The following TJP1 variants were observed in gnomAD, a reference collection of about 807,000 sequenced individuals.
The protein encoded by TJP1 is tight junction protein 1.
TJP1 carries 43 observed loss-of-function variants against 194.2 expected under a neutral mutation model. That is an observed-to-expected ratio of 0.22 (90% confidence interval 0.17 to 0.29). TJP1 has a LOEUF of 0.29. Ranked by LOEUF, TJP1 falls within the 10% of genes least tolerant of loss-of-function variation. The probability of loss-of-function intolerance (pLI) is 1.00; values close to 1 mark genes in which losing one functional copy is unlikely to be tolerated. For synonymous variants in TJP1, 801 were observed against 779.0 expected (o/e 1.03, Z -0.47); for missense variants, 1,971 against 2,185.7 (o/e 0.90, Z 1.96).
chr15:29,798,173 G>A (rs1035728499), intron 2 of TJP1, among the ~76,000 whole-genome samples: 7 of 151,830 alleles, frequency 4.6e-5, no homozygotes, highest in African/African-American at 7.3e-5. Context: ...GTTTCACCAC[G>A]TTGGCCAGGC....
chr15:29,703,913 G>A (rs528772290), intron 27 of TJP1, among the ~76,000 whole-genome samples: 13 of 152,284 alleles, frequency 8.5e-5, no homozygotes, highest in African/African-American at 2.6e-4. Flanking sequence ...AAAGTGCTGC[G>A]ATTACAGGCA....
chr15:29,802,289 T>C (rs944473481), intron 1 of TJP1, among the ~76,000 whole-genome samples: 4 of 152,306 alleles, frequency 2.6e-5, no homozygotes, highest in Middle Eastern at 3.4e-3. Flanking sequence ...CATGAGAATA[T>C]GCCTACCAAG....
At chr15:29,773,048 G>C (rs1350431738) in intron 3 of TJP1, among the ~76,000 whole-genome samples, 185 bp downstream of exon 3, 5 of 152,172 alleles carry the variant, frequency 3.3e-5, no homozygotes, top group Non-Finnish European at 5.9e-5. Flanking sequence ...GATTACAGGA[G>C]TGAGCCACCA....
intron 2 of TJP1, among the ~76,000 whole-genome samples, chr15:29,833,881 A>ATATATTTTTTTTTTTTTTTTT (rs1555434000): frequency 1.6e-4 from 2 of 12,616 alleles, no homozygotes; most frequent in Non-Finnish European, 2.7e-4. Context: ...ATATATATAT[A>ATATATTTTTTTTTTTTTTTTT]TTTTTTTTTT....
At chr15:29,942,771 C>T (rs940594673) in intron 2 of TJP1, among the ~76,000 whole-genome samples, 1 of 152,206 alleles carries the variant, frequency 6.6e-6, no homozygotes, top group African/African-American at 2.4e-5. Context: ...AGGTTAGCAA[C>T]ACAGGCTGTA....
At chr15:29,886,762 T>C (rs2053128531) in intron 2 of TJP1, among the ~76,000 whole-genome samples, 1 of 150,664 alleles carries the variant, frequency 6.6e-6, no homozygotes. Context: ...TTAGAGAAAA[T>C]TGGAAAATTT....
rs1015737984 is a variant in TJP1 at position 29,839,040 on chromosome 15, C to T, written c.307-38338G>A. Among the ~76,000 whole-genome samples the T allele has an allele frequency of 3.5e-5, 5 of 141,412 alleles. No individual in the cohort carries two copies. The East Asian group carries it at 1.1e-3, about 30-fold the overall frequency. 92.8% of individuals were successfully genotyped at this position (141,412 alleles called of 152,430 possible). ...TTGAGACGGAGTCTGGCTCTGTCAC[C>T]CAGGCTGGAGTGCAGTGGTGCCATC... On this transcript the variant is annotated intron_variant, in intron 2 of 28. Coordinates refer to the TJP1 transcript ENST00000356107.
intron 1 of TJP1, among the ~76,000 whole-genome samples, chr15:29,956,945 C>A (rs2055968369): frequency 6.6e-6 from 1 of 151,988 alleles, no homozygotes; most frequent in African/African-American, 2.4e-5. Flanking sequence ...ATTGAAGAAG[C>A]CATTAATATT....
At chr15:29,708,345 T>A (rs572582075) in intron 25 of TJP1, among the ~76,000 whole-genome samples, 68 of 152,288 alleles carry the variant, frequency 4.5e-4, no homozygotes, top group Non-Finnish European at 7.5e-4. Flanking sequence ...TGACAATACC[T>A]ACCAACCATA....
At chr15:29,850,977 A>C (rs1044610651) in intron 2 of TJP1, among the ~76,000 whole-genome samples, 19 of 152,170 alleles carry the variant, frequency 1.2e-4, no homozygotes, top group African/African-American at 4.3e-4. Flanking sequence ...GTCTCTACTA[A>C]AAATACAAAA....
intron 20 of TJP1, 133 bp from the exon 21 acceptor site, chr15:29,719,271 G>A: frequency 8.9e-7 from 1 of 1,124,128 alleles, no homozygotes; most frequent in East Asian, 2.6e-5. Context: ...TATCAGGATA[G>A]ACAAGATTAG....
chr15:29,778,831 T>C (rs1471191311), intron 2 of TJP1, among the ~76,000 whole-genome samples: 1 of 152,130 alleles, frequency 6.6e-6, no homozygotes, highest in Non-Finnish European at 1.5e-5. Flanking sequence ...AAAACTACCC[T>C]TGGCTTTCAC....
intron 1 of TJP1, among the ~76,000 whole-genome samples, chr15:29,960,784 A>C (rs1034513276): frequency 1.3e-5 from 2 of 152,218 alleles, no homozygotes; most frequent in Non-Finnish European, 2.9e-5. Context: ...TAACTTCAGG[A>C]ACTTTAAAGC....
chr15:29,702,114 GA>G (rs2041588177), intron 27 of TJP1, among the ~76,000 whole-genome samples: 1 of 150,410 alleles, frequency 6.6e-6, no homozygotes, highest in African/African-American at 2.4e-5. Flanking sequence ...TTCCAGTTTC[GA>G]AAGTCTGGAG....
intron 2 of TJP1, among the ~76,000 whole-genome samples, chr15:29,848,481 A>G (rs964429158): frequency 3.9e-5 from 6 of 152,260 alleles, no homozygotes; most frequent in Admixed American, 3.9e-4. Flanking sequence ...GATATTATCT[A>G]TGTAGACAGC....
At chr15:29,950,993 G>T (rs149585460) in intron 2 of TJP1, among the ~76,000 whole-genome samples, 1,556 of 152,188 alleles carry the variant, frequency 0.01, 25 homozygotes, top group African/African-American at 0.035. Context: ...AACAGTGCGT[G>T]GCATTTAGTG....
At chr15:29,866,598 C>T (rs2152111374) in intron 2 of TJP1, among the ~76,000 whole-genome samples, 1 of 152,254 alleles carries the variant, frequency 6.6e-6, no homozygotes, top group South Asian at 2.1e-4. Context: ...ATCACAAAAG[C>T]TGTCCTTACT....
chr15:29,750,473 A>G lies in TJP1; in HGVS notation c.1011-7692T>C, dbSNP rs1336386300. Among the ~76,000 whole-genome samples, 4 of 152,230 alleles carry G rather than the reference A, an allele frequency of 2.6e-5. 1 individual carries two copies. Among genetic ancestry groups the G allele is most frequent in the African/African-American group, 7.2e-5 (3 of 41,560 alleles). ...GTTCTTAATCTTCAGAGCTCTCTTT[A>G]GTTCTTACCAGTCAATCCCTCATTA... On this transcript the variant is annotated intron_variant, in intron 8 of 27. Coordinates refer to ENST00000614355, the MANE Select transcript of TJP1 (RefSeq NM_001330239.4).
intron 2 of TJP1, among the ~76,000 whole-genome samples, chr15:29,953,140 A>ATTTTTTTTTTTTTTTTTTTTTTTTT (rs71416442): frequency 2.7e-5 from 3 of 110,978 alleles, no homozygotes; most frequent in Non-Finnish European, 5.4e-5. Flanking sequence ...AAGAAGACAG[A>ATTTTTTTTTTTTTTTTTTTTTTTTT]TTTTTTTTTT....
Sources: gnomAD v4.1 joint callset for allele counts (sites outside exome capture counted in the v4.1 genomes callset) on GRCh38, gnomAD v4.1.1 for gene constraint, MANE v1.5 for transcripts, NCBI Gene and HGNC (gene_info 2026-07-23, HGNC 2026-07-21) for gene names.